Variants in PHIP observed in about 807,000 individuals in gnomAD.
PHIP encodes the protein PHIP subunit of CUL4-Ring ligase complex.
In PHIP, 54 loss-of-function variants were observed where a neutral mutation model predicts 236.8. The ratio of observed to expected loss-of-function variants is 0.23; its 90% CI spans 0.18 to 0.29. PHIP has a LOEUF of 0.29. Ranked by LOEUF, PHIP falls within the 10% of genes least tolerant of loss-of-function variation. PHIP has a pLI of 1.00. For missense variants in PHIP, 1,370 were observed against 2,190.8 expected, an observed-to-expected ratio of 0.63 and a Z score of 7.48; for synonymous variants, 756 against 718.9, an observed-to-expected ratio of 1.05 and a Z score of -0.83.
chr6:79,003,092 T>TTAAA (rs1214996014), intron 16 of PHIP, among the ~76,000 whole-genome samples: 1 of 152,124 alleles, frequency 6.6e-6, no homozygotes, highest in African/African-American at 2.4e-5. Context: ...GTCACTAATC[T>TTAAA]TAAAGTTGGG....
chr6:79,053,142 C>T (rs1188575506), intron 6 of PHIP, among the ~76,000 whole-genome samples: 3 of 151,900 alleles, frequency 2.0e-5, no homozygotes, highest in African/African-American at 7.3e-5. Context: ...GGTGAAACCC[C>T]GTCTCTACTA....
intron 35 of PHIP, among the ~76,000 whole-genome samples, chr6:78,954,171 G>A (rs556057979): frequency 6.2e-4 from 94 of 151,838 alleles, no homozygotes; most frequent in South Asian, 1.5e-3. Flanking sequence ...GTGGGATCTC[G>A]GCTCACTGCA....
intron 35 of PHIP, 52 bp from the exon 36 acceptor site, chr6:78,947,827 C>A: frequency 3.9e-6 from 5 of 1,292,552 alleles, no homozygotes; most frequent in Non-Finnish European, 5.5e-6. Flanking sequence ...CAAAGCATCA[C>A]TTCTCAGTGC....
intron 25 of PHIP, 54 bp from the exon 26 acceptor site, chr6:78,970,227 A>G: frequency 4.0e-6 from 6 of 1,487,516 alleles, no homozygotes; most frequent in Non-Finnish European, 5.6e-6. Flanking sequence ...ACCACAAAAT[A>G]GACTGCTAAA....
chr6:79,035,706 C>T (rs191506490), intron 7 of PHIP, among the ~76,000 whole-genome samples: 34 of 152,258 alleles, frequency 2.2e-4, no homozygotes, highest in Non-Finnish European at 3.7e-4. Flanking sequence ...AAAATGTTGT[C>T]TGTATTGTCA....
At chr6:79,044,206 C>A (rs542558904) in intron 6 of PHIP, among the ~76,000 whole-genome samples, 1 of 152,136 alleles carries the variant, frequency 6.6e-6, no homozygotes, top group East Asian at 1.9e-4. Flanking sequence ...CTTATATGTT[C>A]TTTCATCACA....
At position 79,040,992 on chromosome 6, in the gene PHIP, C is replaced by T. The variant is rs990345331; in HGVS notation, c.600+1851G>A. ...AATAACCAACAAGCAGCTTCCTCTT[C>T]GCATATTATTCTTGTTCTCTAAATC... On this transcript the variant is annotated intron_variant, in intron 7 of 39. Coordinates refer to ENST00000275034, the MANE Select transcript of PHIP (RefSeq NM_017934.7). Among the ~76,000 whole-genome samples the T allele has an allele frequency of 3.9e-5, 6 of 152,100 alleles. No homozygotes were observed. The South Asian group carries it at 6.2e-4, about 16-fold the overall frequency.
At chr6:79,073,267 C>A (rs1296256533) in intron 4 of PHIP, among the ~76,000 whole-genome samples, 4 of 152,116 alleles carry the variant, frequency 2.6e-5, no homozygotes, top group Non-Finnish European at 4.4e-5. Flanking sequence ...GCTCCTTCAG[C>A]CTCTCAGCAA....
chr6:79,063,665 C>G (rs576940206), intron 4 of PHIP, among the ~76,000 whole-genome samples: 1 of 152,246 alleles, frequency 6.6e-6, no homozygotes, highest in South Asian at 2.1e-4. Context: ...AATTCGCCCC[C>G]TAGGCCTCCC....
intron 3 of PHIP, 36 bp downstream of exon 3, chr6:79,077,664 C>T: frequency 1.1e-6 from 1 of 925,434 alleles, no homozygotes; most frequent in Non-Finnish European, 1.3e-6. Context: ...GGCGGCCGCG[C>T]GGCGGCGGGA....
chr6:78,993,350 T>TA, intron 19 of PHIP, among the ~76,000 whole-genome samples: 1 of 152,350 alleles, frequency 6.6e-6, no homozygotes, highest in South Asian at 2.1e-4. Context: ...GTAGCTACAT[T>TA]AAACAACAGA....
At chr6:79,019,704 T>C (rs1416387802) in intron 9 of PHIP, among the ~76,000 whole-genome samples, 1 of 152,124 alleles carries the variant, frequency 6.6e-6, no homozygotes, top group Non-Finnish European at 1.5e-5. Context: ...AATCTGAAGA[T>C]ACTTTGACTC....
chr6:79,061,083 A>G (rs998853989), intron 4 of PHIP, among the ~76,000 whole-genome samples: 13 of 152,218 alleles, frequency 8.5e-5, no homozygotes, highest in African/African-American at 3.1e-4. Flanking sequence ...TGCTTTAAAT[A>G]TCTTTCAATC....
At chr6:79,019,308 T>C in intron 9 of PHIP, 149 bp from the exon 10 acceptor site, 1 of 599,580 alleles carries the variant, frequency 1.7e-6, no homozygotes. Flanking sequence ...TCATTATGTG[T>C]CATAAATCAG....
At position 79,078,243 on chromosome 6, in the gene PHIP, C is replaced by G. The variant is rs1460478196; in HGVS notation, c.-175G>C. ...AGGAGGAGGAGGAAACAACAACTCT[C>G]AGGCAGCGACTACGGCCGTGGCCGC... On this transcript the variant is annotated 5_prime_UTR_variant, in exon 1 of 40. Coordinates refer to ENST00000275034, the MANE Select transcript of PHIP (RefSeq NM_017934.7). 20 of 597,728 alleles carry G rather than the reference C, an allele frequency of 3.3e-5. No homozygotes were observed. The highest frequency in any genetic ancestry group is 1.2e-5 in the Non-Finnish European group (4 of 342,348). The allele number at this position is 597,728 out of a possible 1,614,324, so 37.0% of individuals were successfully genotyped here. A position where few individuals can be genotyped will look rare whatever the true frequency, so the allele number is the denominator to read the frequency against.
At chr6:79,077,353 G>A in intron 4 of PHIP, 95 bp downstream of exon 4, 2 of 1,185,620 alleles carry the variant, frequency 1.7e-6, no homozygotes, top group Non-Finnish European at 2.5e-6. Context: ...TCACGTTCTA[G>A]GGCCAAGTTT....
At chr6:78,974,474 A>T (rs1158692121) in intron 24 of PHIP, among the ~76,000 whole-genome samples, 3 of 151,842 alleles carry the variant, frequency 2.0e-5, no homozygotes, top group Non-Finnish European at 4.4e-5. Context: ...GAACTAGAAA[A>T]GCAAGAGCAA....
chr6:79,022,723 T>C (rs1771181474), intron 9 of PHIP, among the ~76,000 whole-genome samples: 1 of 152,218 alleles, frequency 6.6e-6, no homozygotes, highest in African/African-American at 2.4e-5. Flanking sequence ...CCTCTGGAGC[T>C]AGCTTATGGT....
chr6:78,970,492 C>T (rs778059072), intron 25 of PHIP, among the ~76,000 whole-genome samples: 25 of 152,102 alleles, frequency 1.6e-4, no homozygotes, highest in Non-Finnish European at 2.9e-4. Flanking sequence ...TCTAGAAATA[C>T]GCATCAAATT....
Sources: allele counts gnomAD v4.1 joint callset (sites outside exome capture counted in the v4.1 genomes callset), GRCh38; gene constraint gnomAD v4.1.1; transcripts MANE v1.5; gene names NCBI Gene and HGNC (gene_info 2026-07-23, HGNC 2026-07-21).